The following NDUFA9 variants were observed in gnomAD, a reference collection of about 807,000 sequenced individuals.
NDUFA9 encodes the protein NADH:ubiquinone oxidoreductase subunit A9.
Under a neutral mutation model 45.9 loss-of-function variants are expected in NDUFA9, and 23 were observed. That is an observed-to-expected ratio of 0.50 (90% CI 0.36 to 0.71). The LOEUF is 0.71. Among genes scored for constraint, NDUFA9 ranks in the 30% least tolerant of loss-of-function variants. The pLI, the probability that NDUFA9 is intolerant of heterozygous loss-of-function variation, is 0.00. For synonymous variants in NDUFA9, 176 were observed against 170.5 expected (o/e 1.03, Z -0.25); for missense variants, 466 against 488.2 (o/e 0.95, Z 0.43).
At chr12:4,668,580 G>A (rs978280249) in intron 7 of NDUFA9, 56 bp downstream of exon 7, 22 of 1,460,064 alleles carry the variant, frequency 1.5e-5, no homozygotes, top group Non-Finnish European at 2.1e-5. Context: ...TCAGATTTGA[G>A]TGATCAAGTT....
chr12:4,669,997 C>T (rs1238712624), intron 8 of NDUFA9, among the ~76,000 whole-genome samples, 180 bp downstream of exon 8: 2 of 152,178 alleles, frequency 1.3e-5, no homozygotes, highest in Non-Finnish European at 1.5e-5. Context: ...TCTTCTGTTA[C>T]CAAGGTCTGA....
In NDUFA9 at chr12:4,669,812, C is replaced by T. The variant is rs1057521037; in HGVS notation, c.795C>T (p.Phe265=). The T allele has an allele frequency of 1.9e-5, 30 of 1,609,426 alleles. No individual in the cohort carries two copies. Among genetic ancestry groups the T allele is most frequent in the Admixed American group, 1.2e-4 (7 of 59,988 alleles). Reference sequence around the variant, plus strand: ...ATGCCAATGGGAAATCCTTTGCTTTCGTTGGGTAAGTGCTTAGAGTTTGAA... The same window carrying T: ...ATGCCAATGGGAAATCCTTTGCTTTTGTTGGGTAAGTGCTTAGAGTTTGAA... The part of the protein sequence containing the change: ...DPDANGKSFA[F]VGPSRYLLFH... Residue 265 remains phenylalanine (F), a synonymous_variant, in exon 8 of 11, where the codon TTC becomes TTT. Transcript: ENST00000266544.
At position 4,685,248 on chromosome 12, in the gene NDUFA9, T is replaced by G. The variant is rs777517000; in HGVS notation, c.897-11T>G. 5.6e-6 allele frequency: 9 copies of G among 1,609,852 alleles called. No individual in the cohort carries two copies. In the East Asian group the frequency reaches 2.0e-4, roughly 36 times the overall value. Reference sequence around the variant, plus strand: ...GCTTATCACATGTGCTATATGTATTTCTCTTTCCAGATGGGTAGCAAGAGT... The same window carrying G: ...GCTTATCACATGTGCTATATGTATTGCTCTTTCCAGATGGGTAGCAAGAGT... On this transcript the variant is annotated splice_polypyrimidine_tract_variant and intron_variant, in intron 9 of 10. Transcript: ENST00000266544.
chr12:4,683,376 T>G (rs1945965757), intron 9 of NDUFA9, among the ~76,000 whole-genome samples: 1 of 152,222 alleles, frequency 6.6e-6, no homozygotes, highest in South Asian at 2.1e-4. Context: ...GATCTTCATT[T>G]GGGTTTTCAT....
chr12:4,687,271 A>C lies in NDUFA9; in HGVS notation c.*163A>C. On this transcript the variant is annotated 3_prime_UTR_variant, in exon 11 of 11. Coordinates refer to ENST00000266544, the MANE Select transcript of NDUFA9 (RefSeq NM_005002.5). ...TTCTTCCTTGATTTACAAAATGAGA[A>C]ATGTAGTCACTTAGAACTTGAGCAT... 1.6e-6 allele frequency: 1 copy of C among 626,152 alleles called. No homozygotes were observed. Among genetic ancestry groups the C allele is most frequent in the Non-Finnish European group, 2.6e-6 (1 of 386,174 alleles). The allele number at this position is 626,152 out of a possible 1,614,324, so 38.8% of individuals were successfully genotyped here. A position where few individuals can be genotyped will look rare whatever the true frequency, so the allele number is the denominator to read the frequency against.
chr12:4,681,362 A>G (rs1309023616), intron 8 of NDUFA9, among the ~76,000 whole-genome samples: 1 of 151,848 alleles, frequency 6.6e-6, no homozygotes, highest in Non-Finnish European at 1.5e-5. Flanking sequence ...AATATAGAGA[A>G]TTCTTACAAA....
chr12:4,692,999 A>T lies in NDUFA9; in HGVS notation c.*5891A>T, dbSNP rs1354352976. On this transcript the variant is annotated 3_prime_UTR_variant, in exon 11 of 11. Transcript: ENST00000266544. ...CTAGGCTTTCCTTTAAAACCTCTGTACTAGGCCGGGTGCAGTGGCTCGCGC... is the reference window on the plus strand; with the variant it reads ...CTAGGCTTTCCTTTAAAACCTCTGTTCTAGGCCGGGTGCAGTGGCTCGCGC... The T allele has an allele frequency of 6.6e-6, 1 of 152,322 alleles. No homozygotes were observed. The highest frequency in any genetic ancestry group is 1.5e-5 in the Non-Finnish European group (1 of 68,146). The allele number at this position is 152,322 out of a possible 1,614,324, so 9.4% of individuals were successfully genotyped here. A position where few individuals can be genotyped will look rare whatever the true frequency, so the allele number is the denominator to read the frequency against.
intron 7 of NDUFA9, chr12:4,668,738 A>G: frequency 1.8e-6 from 1 of 557,176 alleles, no homozygotes; most frequent in Non-Finnish European, 3.2e-6. Flanking sequence ...ATAATGTGCT[A>G]GACACATCAT....
At chr12:4,656,399 TA>T (rs1339295669) in intron 3 of NDUFA9, among the ~76,000 whole-genome samples, 1 of 152,262 alleles carries the variant, frequency 6.6e-6, no homozygotes, top group African/African-American at 2.4e-5. Context: ...CCATTGGAAT[TA>T]AACCAAATGA....
chr12:4,682,455 T>G (rs1945959358), intron 9 of NDUFA9, 155 bp downstream of exon 9: 1 of 430,436 alleles, frequency 2.3e-6, no homozygotes, highest in Non-Finnish European at 4.2e-6. Flanking sequence ...AGAAATAGAT[T>G]AGTGTTGGTT....
rs1193286963 is a variant in NDUFA9, at chr12:4,688,280, G to C, written c.*1172G>C. 2 of 152,068 alleles carry C rather than the reference G, an allele frequency of 1.3e-5. No homozygotes were observed. Among genetic ancestry groups the C allele is most frequent in the East Asian group, 3.9e-4 (2 of 5,176 alleles). 9.4% of individuals were successfully genotyped at this position (152,068 alleles called of 1,614,324 possible). On this transcript the variant is annotated 3_prime_UTR_variant, in exon 11 of 11. Coordinates refer to ENST00000266544, the MANE Select transcript of NDUFA9 (RefSeq NM_005002.5). ...GACGGTCGCTTGAGGCCAGGAGTTT[G>C]AGACCAGCCTAGGCAATATGGCAAG...
Position 4,662,578 on chromosome 12 carries a change from A to G in NDUFA9, c.598A>G (p.Ile200Val). ...GAGAGATGCATTTCCGGAAGCCATTATCGTAAAGCCGTCGGACATCTTTGG... is the reference window on the plus strand; with the variant it reads ...GAGAGATGCATTTCCGGAAGCCATTGTCGTAAAGCCGTCGGACATCTTTGG... ...VVRDAFPEAI[I>V]VKPSDIFGRE... The change falls in exon 6 of 11, where the codon ATC (isoleucine) becomes GTC (valine). Residue 200 changes from isoleucine to valine, a missense_variant. Physicochemically the swap from Ile to Val is conservative, Grantham distance 29. Coordinates refer to ENST00000266544, the MANE Select transcript of NDUFA9 (RefSeq NM_005002.5). The G allele has an allele frequency of 6.2e-7, 1 of 1,614,014 alleles. No homozygotes were observed. Among genetic ancestry groups the G allele is most frequent in the East Asian group, 2.2e-5 (1 of 44,860 alleles).
intron 8 of NDUFA9, among the ~76,000 whole-genome samples, chr12:4,676,692 A>G (rs1945921987): frequency 6.6e-6 from 1 of 152,248 alleles, no homozygotes; most frequent in Admixed American, 6.5e-5. Context: ...CATGGATAGA[A>G]AGAATCAATA....
At chr12:4,669,927 C>T (rs1945876310) in intron 8 of NDUFA9, 110 bp downstream of exon 8, 1 of 771,272 alleles carries the variant, frequency 1.3e-6, no homozygotes, top group Non-Finnish European at 2.2e-6. Context: ...ATCAAAATCT[C>T]CTCATTGCTT....
chr12:4,676,401 C>T (rs1318106333), intron 8 of NDUFA9, among the ~76,000 whole-genome samples: 2 of 152,222 alleles, frequency 1.3e-5, no homozygotes, highest in Non-Finnish European at 2.9e-5. Context: ...TCCATTGTCT[C>T]AGCCCCAAAT....
chr12:4,678,032 C>T (rs1269762222), intron 8 of NDUFA9, among the ~76,000 whole-genome samples: 2 of 152,082 alleles, frequency 1.3e-5, no homozygotes, highest in African/African-American at 4.8e-5. Context: ...TCTCAGCAAA[C>T]TAACACAAGA....
intron 1 of NDUFA9, among the ~76,000 whole-genome samples, chr12:4,649,678 G>A (rs1302232623): frequency 6.6e-6 from 1 of 152,166 alleles, no homozygotes; most frequent in South Asian, 2.1e-4. Flanking sequence ...GCTAATATTT[G>A]TAAAAGCATC....
intron 8 of NDUFA9, among the ~76,000 whole-genome samples, chr12:4,680,948 G>A (rs1945948661): frequency 1.3e-5 from 2 of 152,154 alleles, no homozygotes; most frequent in Non-Finnish European, 2.9e-5. Context: ...AGAGCGGAAC[G>A]TTCAGAAACA....
intron 6 of NDUFA9, among the ~76,000 whole-genome samples, chr12:4,663,860 A>G (rs1329027433): frequency 6.6e-6 from 1 of 152,078 alleles, no homozygotes; most frequent in East Asian, 1.9e-4. Flanking sequence ...AGAAATATGG[A>G]CGTTAAGGGT....
Sources: allele counts gnomAD v4.1 joint callset (sites outside exome capture counted in the v4.1 genomes callset), GRCh38; gene constraint gnomAD v4.1.1; transcripts MANE v1.5; gene names NCBI Gene and HGNC (gene_info 2026-07-23, HGNC 2026-07-21).